RAB2B: variants seen among roughly 807,000 people sequenced by gnomAD.
RAB2B encodes the protein ras-related protein Rab-2B.
In RAB2B, 20 loss-of-function variants were observed where a neutral mutation model predicts 29.8. That is an observed-to-expected ratio of 0.67 (90% CI 0.47 to 0.97). The LOEUF (loss-of-function observed/expected upper bound fraction) is 0.97, where lower values mean the gene tolerates loss of function less well. Among genes scored for constraint, RAB2B ranks in the 50% least tolerant of loss-of-function variants. The pLI, the probability that RAB2B is intolerant of heterozygous loss-of-function variation, is 0.00. For synonymous variants in RAB2B, 93 were observed against 91.7 expected, an observed-to-expected ratio of 1.01 and a Z score of -0.08; for missense variants, 218 against 272.0, an observed-to-expected ratio of 0.80 and a Z score of 1.40.
At position 21,461,191 on chromosome 14, in the gene RAB2B, G is replaced by T; in HGVS notation, c.*5C>A. On this transcript the variant is annotated 3_prime_UTR_variant, in exon 8 of 8. Coordinates refer to ENST00000397762, the MANE Select transcript of RAB2B (RefSeq NM_032846.4). ...GGAAGGACAAAAAAAGTTCAAGCCA[G>T]ATGTTCAGCAGCAGCCAGAGTTGGA... 6.2e-7 allele frequency: 1 copy of T among 1,603,566 alleles called. No homozygotes were observed. The highest frequency in any genetic ancestry group is 1.1e-5 in the South Asian group (1 of 90,190).
chr14:21,468,529 G>C, intron 4 of RAB2B, 80 bp from the exon 5 acceptor site: 1 of 1,389,268 alleles, frequency 7.2e-7, no homozygotes, highest in Non-Finnish European at 1.0e-6. Context: ...ACGAAAAGAG[G>C]GGAAGCCATA....
chr14:21,476,268 C>T (rs537493846), intron 2 of RAB2B: 114 of 416,788 alleles, frequency 2.7e-4, no homozygotes, highest in African/African-American at 2.0e-3. Context: ...CATAAACATA[C>T]AAATTGTATT....
rs201698981 is a variant in RAB2B, at chr14:21,476,879, G to T, written c.-7C>A. ...AGAGATAAGCATAAGTCATGGTGTCGCGTCCTCTGGGTTCCGGGTCCGCCC... is the reference window on the plus strand; with the variant it reads ...AGAGATAAGCATAAGTCATGGTGTCTCGTCCTCTGGGTTCCGGGTCCGCCC... On this transcript the variant is annotated 5_prime_UTR_variant, in exon 1 of 8. Coordinates refer to ENST00000397762, the MANE Select transcript of RAB2B (RefSeq NM_032846.4). 1.6e-4 allele frequency: 260 copies of T among 1,613,214 alleles called. 3 individuals carry two copies. The East Asian group carries it at 5.6e-3, about 35-fold the overall frequency.
Position 21,459,669 on chromosome 14 carries a change from C to T in RAB2B, c.*1527G>A, listed in dbSNP as rs1252343403. 6.6e-6 allele frequency: 1 copy of T among 152,466 alleles called. No individual in the cohort carries two copies. The highest frequency in any genetic ancestry group is 2.1e-4 in the South Asian group (1 of 4,848). The allele number at this position is 152,466 out of a possible 1,614,324, so 9.4% of individuals were successfully genotyped here. A position where few individuals can be genotyped will look rare whatever the true frequency, so the allele number is the denominator to read the frequency against. On this transcript the variant is annotated 3_prime_UTR_variant, in exon 8 of 8. Coordinates refer to ENST00000397762, the MANE Select transcript of RAB2B (RefSeq NM_032846.4). ...TACATATAAATAGACATATGAATAACCAACATATGAAAACTAAGGAATATT... is the reference window on the plus strand; with the variant it reads ...TACATATAAATAGACATATGAATAATCAACATATGAAAACTAAGGAATATT...
chr14:21,474,645 T>C, intron 3 of RAB2B: 1 of 480,292 alleles, frequency 2.1e-6, no homozygotes, highest in Non-Finnish European at 3.7e-6. Flanking sequence ...TGTTTGATTT[T>C]ATTTTTACTA....
At chr14:21,468,582 C>A in intron 4 of RAB2B, 88 bp downstream of exon 4, 1 of 1,283,350 alleles carries the variant, frequency 7.8e-7, no homozygotes, top group Non-Finnish European at 1.1e-6. Context: ...TAGTTAACAT[C>A]CTTAACAGAA....
At chr14:21,475,019 G>T in intron 2 of RAB2B, 85 bp from the exon 3 acceptor site, 3 of 1,011,768 alleles carry the variant, frequency 3.0e-6, no homozygotes, top group East Asian at 2.4e-5. Flanking sequence ...TCCTCAATGT[G>T]TTATAACCAT....
chr14:21,463,250 T>TTC (rs973051032), intron 6 of RAB2B, among the ~76,000 whole-genome samples: 15 of 148,456 alleles, frequency 1.0e-4, no homozygotes, highest in Admixed American at 3.4e-4. Context: ...CATTCTTTCT[T>TTC]TTTTTTTTTT....
chr14:21,462,434 A>G lies in RAB2B; in HGVS notation c.475-16T>C, dbSNP rs1890580357. 5.6e-6 allele frequency: 9 copies of G among 1,601,064 alleles called. No homozygotes were observed. Among genetic ancestry groups the G allele is most frequent in the Non-Finnish European group, 7.7e-6 (9 of 1,169,328 alleles). ...TAATGAAGGCCTGAAAGAGACATAA[A>G]TCGTATCATCAGTCTCAAGTTCAGG... On this transcript the variant is annotated splice_polypyrimidine_tract_variant and intron_variant, in intron 6 of 7. Transcript: ENST00000397762.
intron 6 of RAB2B, among the ~76,000 whole-genome samples, chr14:21,463,316 A>G (rs1289430429): frequency 6.9e-6 from 1 of 145,238 alleles, no homozygotes; most frequent in Non-Finnish European, 1.5e-5. Context: ...GCGGGATCTC[A>G]GTTCACTACA....
At chr14:21,472,003 T>C (rs753231750) in intron 3 of RAB2B, among the ~76,000 whole-genome samples, 6 of 152,098 alleles carry the variant, frequency 3.9e-5, no homozygotes, top group Admixed American at 1.3e-4. Flanking sequence ...AGATAATTAA[T>C]AGCTTTCTAA....
At position 21,470,245 on chromosome 14, in the gene RAB2B, G is replaced by A. The variant is rs1359726661; in HGVS notation, c.187-1493C>T. Among the ~76,000 whole-genome samples the A allele has an allele frequency of 2.0e-5, 3 of 152,090 alleles. No individual in the cohort carries two copies. The East Asian group carries it at 5.8e-4, about 29-fold the overall frequency. Reference sequence around the variant, plus strand: ...TGGGATTACAGGCATGAGCCACCGTGCCTGGCTTATTATTTCCTTTTAAAA... The same window carrying A: ...TGGGATTACAGGCATGAGCCACCGTACCTGGCTTATTATTTCCTTTTAAAA... On this transcript the variant is annotated intron_variant, in intron 3 of 7. Coordinates refer to ENST00000397762, the MANE Select transcript of RAB2B (RefSeq NM_032846.4).
Position 21,460,054 on chromosome 14 carries a change from T to C in RAB2B, c.*1142A>G, listed in dbSNP as rs1430216151. On this transcript the variant is annotated 3_prime_UTR_variant, in exon 8 of 8. Transcript: ENST00000397762. ...AGTTACACTAAGAGATAGAAGCTAATAATAGGATAGTAGAGAAGTACTCAG... is the reference window on the plus strand; with the variant it reads ...AGTTACACTAAGAGATAGAAGCTAACAATAGGATAGTAGAGAAGTACTCAG... The C allele has an allele frequency of 1.1e-5, 5 of 454,412 alleles. No homozygotes were observed. Among genetic ancestry groups the C allele is most frequent in the African/African-American group, 6.1e-5 (3 of 49,300 alleles). 28.1% of individuals were successfully genotyped at this position (454,412 alleles called of 1,614,324 possible).
chr14:21,470,146 GT>G (rs1890775325), intron 3 of RAB2B, among the ~76,000 whole-genome samples: 2 of 151,676 alleles, frequency 1.3e-5, no homozygotes, highest in African/African-American at 4.8e-5. Flanking sequence ...GTAGAGATGG[GT>G]TTTCACTATG....
chr14:21,469,894 A>G (rs1890766487), intron 3 of RAB2B, among the ~76,000 whole-genome samples: 1 of 151,128 alleles, frequency 6.6e-6, no homozygotes, highest in South Asian at 2.1e-4. Flanking sequence ...ACAATTACAT[A>G]TATTATTTCA....
At chr14:21,464,896 G>A (rs1034117454) in intron 5 of RAB2B, among the ~76,000 whole-genome samples, 1 of 152,086 alleles carries the variant, frequency 6.6e-6, no homozygotes, top group South Asian at 2.1e-4. Context: ...CCAGCTACGT[G>A]AGAGGCTGAG....
chr14:21,467,693 T>C (rs1890717757), intron 5 of RAB2B, among the ~76,000 whole-genome samples: 2 of 152,200 alleles, frequency 1.3e-5, no homozygotes, highest in Non-Finnish European at 2.9e-5. Context: ...AATTACCATA[T>C]GATCCAGCAA....
intron 3 of RAB2B, among the ~76,000 whole-genome samples, chr14:21,472,759 C>T (rs1003568157): frequency 6.6e-6 from 1 of 151,484 alleles, no homozygotes; most frequent in African/African-American, 2.4e-5. Context: ...TATGCATTCT[C>T]AGCAGAATCA....
rs201625432 is a variant in RAB2B, at chr14:21,468,674, T to C, written c.265A>G (p.Thr89Ala). The C allele has an allele frequency of 1.1e-4, 177 of 1,563,308 alleles. No individual in the cohort carries two copies. Among genetic ancestry groups the C allele is most frequent in the Non-Finnish European group, 1.4e-4 (163 of 1,159,214 alleles). Residue 89 changes from threonine to alanine, a missense_variant, in exon 4 of 8, where the codon ACA becomes GCA. Thr to Ala is a moderately conservative substitution (Grantham distance 58). Transcript: ENST00000397762. ...AAGALLVYDI[T>A]RRETFNHLTS... ...CATGCACCAGATCTGGCTCACCTTG[T>C]AATGTCGTACACCAGCAGTGCTCCA...
Sources: gnomAD v4.1 joint callset for allele counts (sites outside exome capture counted in the v4.1 genomes callset) on GRCh38, gnomAD v4.1.1 for gene constraint, MANE v1.5 for transcripts, NCBI Gene and HGNC (gene_info 2026-07-23, HGNC 2026-07-21) for gene names.